Variants in AGBL1 observed in about 807,000 individuals in gnomAD.
The protein encoded by AGBL1 is cytosolic carboxypeptidase 4.
In AGBL1, 130 loss-of-function variants were observed where a neutral mutation model predicts 118.9. The observed-to-expected ratio is 1.09, with a 90% CI of 0.95 to 1.26. AGBL1 has a LOEUF of 1.26. Ranked by LOEUF, AGBL1 falls within the 50% of genes most tolerant of loss-of-function variation. The pLI is 0.00. For missense variants in AGBL1, 1,584 were observed against 1,298.1 expected, an observed-to-expected ratio of 1.22 and a Z score of -3.38; for synonymous variants, 555 against 478.9, an observed-to-expected ratio of 1.16 and a Z score of -2.08.
chr15:86,682,569 CCT>C (rs2085980164), intron 22 of AGBL1, among the ~76,000 whole-genome samples: 1 of 152,034 alleles, frequency 6.6e-6, no homozygotes, highest in Admixed American at 6.6e-5. Context: ...CTCATTTGAT[CCT>C]CTGTTTACAG....
At position 86,325,819 on chromosome 15, in the gene AGBL1, C is replaced by CT. The variant is rs1465056769; in HGVS notation, c.2374+30412dup. 7.2e-5 allele frequency among the ~76,000 whole-genome samples: 11 copies of CT among 152,298 alleles called. No homozygotes were observed. In the East Asian group the frequency reaches 1.2e-3, roughly 16 times the overall value. ...CACATAGATCTCAGAGTGGTACAGTCTGTGCACGTTGGGGGTGGTGGGAAG... is the reference window on the plus strand; with the variant it reads ...CACATAGATCTCAGAGTGGTACAGTCTTGTGCACGTTGGGGGTGGTGGGAAG... On this transcript the variant is annotated intron_variant, in intron 17 of 22. Transcript: ENST00000614907.
chr15:86,879,209 G>A (rs1390716955), intron 22 of AGBL1, among the ~76,000 whole-genome samples: 1 of 152,146 alleles, frequency 6.6e-6, no homozygotes, highest in Admixed American at 6.5e-5. Context: ...CCTTCCTCCT[G>A]TTTTGCAAAA....
chr15:86,480,919 A>G (rs1303040340), intron 18 of AGBL1, among the ~76,000 whole-genome samples: 2 of 152,050 alleles, frequency 1.3e-5, no homozygotes, highest in African/African-American at 4.8e-5. Context: ...TTTGATCATC[A>G]TGCTAAGAAC....
rs2079609894 is a variant in AGBL1, at chr15:86,865,259, TC to T, written c.3159-41827del. Among the ~76,000 whole-genome samples, 9 of 152,220 alleles carry T rather than the reference TC, an allele frequency of 5.9e-5. No homozygotes were observed. In the South Asian group the frequency reaches 1.9e-3, roughly 32 times the overall value. ...CTGTGGGAGAGCTAACTTGCATTCC[TC>T]ATTTTATAGAAGAGGAATCAGAAAA... is the stretch of plus-strand genomic sequence containing the variant. On this transcript the variant is annotated intron_variant, in intron 22 of 22. Coordinates refer to ENST00000614907, the MANE Select transcript of AGBL1 (RefSeq NM_001386094.1).
At chr15:86,931,817 C>T (rs1218068919) in intron 23 of AGBL1, among the ~76,000 whole-genome samples, 1 of 152,026 alleles carries the variant, frequency 6.6e-6, no homozygotes, top group Non-Finnish European at 1.5e-5. Context: ...ATCATGGTTG[C>T]CTAAATATAT....
intron 18 of AGBL1, among the ~76,000 whole-genome samples, chr15:86,421,293 G>T (rs12915449): frequency 6.6e-6 from 1 of 152,144 alleles, no homozygotes; most frequent in African/African-American, 2.4e-5. Flanking sequence ...CCAGAAGAGA[G>T]TGGGGCCAAT....
intron 17 of AGBL1, among the ~76,000 whole-genome samples, chr15:86,331,021 C>T (rs533731095): frequency 5.9e-5 from 9 of 152,124 alleles, no homozygotes; most frequent in Middle Eastern, 3.4e-3. Context: ...GTCAGGAGTT[C>T]GAGACCAGGC....
chr15:86,766,708 C>T (rs2078101903), intron 22 of AGBL1, among the ~76,000 whole-genome samples: 1 of 151,860 alleles, frequency 6.6e-6, no homozygotes. Flanking sequence ...TGGTTATGTA[C>T]TAGAGATACT....
intron 23 of AGBL1, chr15:86,946,183 C>G (rs1287628022): frequency 2.5e-4 from 38 of 152,148 alleles, no homozygotes; most frequent in Admixed American, 2.4e-3. Context: ...TTATTACAGG[C>G]AGTGTTAAGG....
intron 23 of AGBL1, among the ~76,000 whole-genome samples, chr15:86,963,586 T>C (rs1428433320): frequency 6.6e-6 from 1 of 151,938 alleles, no homozygotes; most frequent in African/African-American, 2.4e-5. Context: ...AAATATTGGG[T>C]GTCAGAATAT....
At chr15:86,666,823 G>A (rs1042734210) in intron 21 of AGBL1, among the ~76,000 whole-genome samples, 3 of 152,024 alleles carry the variant, frequency 2.0e-5, no homozygotes, top group Non-Finnish European at 2.9e-5. Context: ...TGAGAAAACC[G>A]AGGCACTAAA....
At chr15:86,805,470 T>C (rs1309035921) in intron 22 of AGBL1, among the ~76,000 whole-genome samples, 2 of 152,146 alleles carry the variant, frequency 1.3e-5, no homozygotes, top group Non-Finnish European at 2.9e-5. Flanking sequence ...CCCTCTCTGC[T>C]GAGCCTTCCA....
intron 19 of AGBL1, among the ~76,000 whole-genome samples, chr15:86,523,890 A>G (rs781647070): frequency 6.6e-6 from 1 of 152,184 alleles, no homozygotes; most frequent in Non-Finnish European, 1.5e-5. Flanking sequence ...ATTAACTACA[A>G]ACTGTGAACA....
Position 86,915,569 on chromosome 15 carries a change from A to T in AGBL1, c.*8275A>T, listed in dbSNP as rs1344208433. The T allele has an allele frequency of 6.6e-6, 1 of 152,048 alleles. No homozygotes were observed. The highest frequency in any genetic ancestry group is 1.5e-5 in the Non-Finnish European group (1 of 68,054). The allele number at this position is 152,048 out of a possible 1,614,324, so 9.4% of individuals were successfully genotyped here. A position where few individuals can be genotyped will look rare whatever the true frequency, so the allele number is the denominator to read the frequency against. Reference sequence around the variant, plus strand: ...GATCTGATTCTGAGTTCCTACTGTCATCTTGGAGAAACCCAGTCACAGCTT... The same window carrying T: ...GATCTGATTCTGAGTTCCTACTGTCTTCTTGGAGAAACCCAGTCACAGCTT... On this transcript the variant is annotated 3_prime_UTR_variant, in exon 23 of 23. Coordinates refer to ENST00000614907, the MANE Select transcript of AGBL1 (RefSeq NM_001386094.1).
intron 22 of AGBL1, among the ~76,000 whole-genome samples, chr15:86,758,966 CAAAAAAAAAAAA>C (rs80297816): frequency 1.2e-3 from 98 of 80,914 alleles, no homozygotes; most frequent in African/African-American, 4.3e-3. Context: ...GACACCCTGT[CAAAAAAAAAAAA>C]AAAAAAGAAA....
chr15:86,614,309 G>C (rs1210925013), intron 21 of AGBL1, among the ~76,000 whole-genome samples: 2 of 152,100 alleles, frequency 1.3e-5, no homozygotes, highest in Non-Finnish European at 2.9e-5. Context: ...TTCCAGCCCT[G>C]CTCTTTTCTT....
At chr15:86,674,643 C>T (rs1194646083) in intron 22 of AGBL1, among the ~76,000 whole-genome samples, 3 of 152,124 alleles carry the variant, frequency 2.0e-5, no homozygotes, top group East Asian at 3.9e-4. Flanking sequence ...AAATATAAAA[C>T]TATATGTATT....
chr15:86,710,512 T>C (rs1304952009), intron 22 of AGBL1, among the ~76,000 whole-genome samples: 2 of 152,174 alleles, frequency 1.3e-5, no homozygotes, highest in Non-Finnish European at 2.9e-5. Context: ...TGCAATTTAA[T>C]TGGTGTGAGG....
At position 86,908,685 on chromosome 15, in the gene AGBL1, G is replaced by A. The variant is rs2080312193; in HGVS notation, c.*1391G>A. The stretch of plus-strand genomic sequence containing the variant: ...ATGGAGCAAGGCCTTTTAGCATTCG[G>A]AAGGAAGAGGCTTAGTTATTTGAAT... On this transcript the variant is annotated 3_prime_UTR_variant, in exon 23 of 23. Coordinates refer to ENST00000614907, the MANE Select transcript of AGBL1 (RefSeq NM_001386094.1). The A allele has an allele frequency of 6.6e-6, 1 of 152,220 alleles. No individual in the cohort carries two copies. The highest frequency in any genetic ancestry group is 2.4e-5 in the African/African-American group (1 of 41,434). 9.4% of individuals were successfully genotyped at this position (152,220 alleles called of 1,614,324 possible).
Sources: allele counts gnomAD v4.1 joint callset (sites outside exome capture counted in the v4.1 genomes callset), GRCh38; gene constraint gnomAD v4.1.1; transcripts MANE v1.5; gene names NCBI Gene and HGNC (gene_info 2026-07-23, HGNC 2026-07-21).